Variants in FANK1 observed in about 807,000 individuals in gnomAD.
FANK1 encodes the protein fibronectin type III and ankyrin repeat domains 1.
Under a neutral mutation model 45.3 loss-of-function variants are expected in FANK1, and 44 were observed. That is an observed-to-expected ratio of 0.97 (90% CI 0.76 to 1.25). The LOEUF (loss-of-function observed/expected upper bound fraction) is 1.25. FANK1 is among the 50% of genes most tolerant of loss of function. FANK1 has a pLI of 0.00. For synonymous variants in FANK1, 149 were observed against 152.5 expected (o/e 0.98, Z 0.17); for missense variants, 391 against 424.4 (o/e 0.92, Z 0.69).
At chr10:126,005,307 CTTTTTTTTT>C (rs35163273) in intron 7 of FANK1, among the ~76,000 whole-genome samples, 3 of 122,300 alleles carry the variant, frequency 2.5e-5, no homozygotes, top group African/African-American at 9.0e-5. Context: ...TACTTTCTTT[CTTTTTTTTT>C]TTTTTTTTTG....
At chr10:125,912,188 A>G (rs977444552) in intron 1 of FANK1, among the ~76,000 whole-genome samples, 1 of 152,170 alleles carries the variant, frequency 6.6e-6, no homozygotes, top group East Asian at 1.9e-4. Flanking sequence ...CACTAAGGTC[A>G]ACAATACCCA....
At chr10:125,957,392 C>T (rs775520541) in intron 1 of FANK1, among the ~76,000 whole-genome samples, 2 of 151,810 alleles carry the variant, frequency 1.3e-5, no homozygotes, top group African/African-American at 2.4e-5. Flanking sequence ...CTCTTTGTTA[C>T]TTTGTGTAGA....
chr10:125,972,433 GAGAAAGT>G (rs1413156998), intron 1 of FANK1: 20 of 152,168 alleles, frequency 1.3e-4, no homozygotes, highest in Non-Finnish European at 2.9e-4. Context: ...TTTTATCAAA[GAGAAAGT>G]AGAAAGTATA....
Position 125,935,089 on chromosome 10 carries a change from C to T in FANK1, c.13+38434C>T, listed in dbSNP as rs565501370. The stretch of plus-strand genomic sequence containing the variant: ...GCCTTCATCTCTCTGCTTGTTTCTC[C>T]AGACATCTCCTCCTACTCTGATAGA... On this transcript the variant is annotated intron_variant, in intron 1 of 10. Coordinates refer to ENST00000368693, the MANE Select transcript of FANK1 (RefSeq NM_145235.5). Among the ~76,000 whole-genome samples, 72 of 152,232 alleles carry T rather than the reference C, an allele frequency of 4.7e-4. No homozygotes were observed. In the East Asian group the frequency reaches 0.011, roughly 24 times the overall value.
intron 2 of FANK1, among the ~76,000 whole-genome samples, chr10:125,985,097 G>C (rs935371754): frequency 1.1e-4 from 14 of 131,620 alleles, no homozygotes; most frequent in Non-Finnish European, 2.3e-4. Context: ...TTCTAACACA[G>C]TTGCGTTATT....
intron 1 of FANK1, among the ~76,000 whole-genome samples, chr10:125,937,036 C>T (rs1470134600): frequency 6.6e-6 from 1 of 151,754 alleles, no homozygotes; most frequent in Admixed American, 6.6e-5. Context: ...CATTGCCCTC[C>T]AGCCTGGCAA....
chr10:125,973,694 T>G (rs1950660528), intron 1 of FANK1: 1 of 153,270 alleles, frequency 6.5e-6, no homozygotes, highest in African/African-American at 2.4e-5. Context: ...TACCATTTGG[T>G]TTAAGATGTT....
chr10:125,999,341 A>C (rs1237551421), intron 6 of FANK1, among the ~76,000 whole-genome samples: 2 of 151,694 alleles, frequency 1.3e-5, no homozygotes, highest in African/African-American at 4.8e-5. Flanking sequence ...CTGGAACTAT[A>C]GGCGCCCACC....
At chr10:125,935,155 G>A (rs555676868) in intron 1 of FANK1, among the ~76,000 whole-genome samples, 7 of 152,220 alleles carry the variant, frequency 4.6e-5, no homozygotes, top group South Asian at 2.1e-4. Context: ...ATTCCTTCAC[G>A]GAAAGTCAGC....
intron 1 of FANK1, among the ~76,000 whole-genome samples, chr10:125,915,278 ATTT>A (rs1474770127): frequency 1.3e-5 from 2 of 151,398 alleles, no homozygotes; most frequent in Non-Finnish European, 2.9e-5. Flanking sequence ...TATAAATGTT[ATTT>A]TATTAATGAA....
chr10:125,974,140 C>T lies in FANK1; in HGVS notation c.14-6021C>T, dbSNP rs140528614. Among the ~76,000 whole-genome samples the T allele has an allele frequency of 1.7e-3, 262 of 152,274 alleles. 1 individual carries two copies. Among genetic ancestry groups the T allele is most frequent in the African/African-American group, 6.0e-3 (251 of 41,540 alleles). On this transcript the variant is annotated intron_variant, in intron 1 of 10. Transcript: ENST00000368693. ...GAACATATTCAAACCTAGGTTTATCCAATTCCATCATGCTTTCTATAAACA... is the reference window on the plus strand; with the variant it reads ...GAACATATTCAAACCTAGGTTTATCTAATTCCATCATGCTTTCTATAAACA...
chr10:125,954,755 A>G (rs1156570549), intron 1 of FANK1, among the ~76,000 whole-genome samples: 1 of 152,106 alleles, frequency 6.6e-6, no homozygotes, highest in Non-Finnish European at 1.5e-5. Context: ...CCCTGCCTCT[A>G]CTAAAAATAT....
chr10:126,002,168 C>T (rs894030768), intron 6 of FANK1, among the ~76,000 whole-genome samples: 5 of 151,572 alleles, frequency 3.3e-5, no homozygotes, highest in Non-Finnish European at 5.9e-5. Context: ...AAAAATTAGC[C>T]GAGCATGGTG....
At chr10:125,994,000 G>A (rs1389241661) in intron 3 of FANK1, among the ~76,000 whole-genome samples, 1 of 152,142 alleles carries the variant, frequency 6.6e-6, no homozygotes, top group Admixed American at 6.5e-5. Context: ...GAAACCCTCC[G>A]AGGAAACCCA....
chr10:125,917,084 T>C (rs1338663102), intron 1 of FANK1, among the ~76,000 whole-genome samples: 2 of 152,254 alleles, frequency 1.3e-5, no homozygotes, highest in Admixed American at 1.3e-4. Flanking sequence ...TCTTTTGGGC[T>C]GAGCTCCTGC....
At chr10:125,936,401 A>C (rs1044865940) in intron 1 of FANK1, among the ~76,000 whole-genome samples, 1 of 150,962 alleles carries the variant, frequency 6.6e-6, no homozygotes, top group African/African-American at 2.4e-5. Context: ...GAATTTTCAC[A>C]AAGTGAACCC....
intron 1 of FANK1, among the ~76,000 whole-genome samples, chr10:125,906,510 T>G (rs1945527877): frequency 1.7e-5 from 1 of 59,900 alleles, no homozygotes; most frequent in South Asian, 4.5e-4. Flanking sequence ...AGCAAGACTC[T>G]GTCTCAAAAA....
intron 1 of FANK1, among the ~76,000 whole-genome samples, chr10:125,934,737 T>G (rs1267840230): frequency 7.0e-5 from 9 of 129,492 alleles, no homozygotes; most frequent in East Asian, 6.7e-4. Flanking sequence ...TTTTTTTTTT[T>G]TTTTTTTTTT....
intron 7 of FANK1, 63 bp downstream of exon 7, chr10:126,005,112 G>A: frequency 6.5e-7 from 1 of 1,541,476 alleles, no homozygotes; most frequent in South Asian, 1.2e-5. Context: ...TGCTCCATGG[G>A]GTCTGGCAGA....
Sources: gnomAD v4.1 joint callset for allele counts (sites outside exome capture counted in the v4.1 genomes callset) on GRCh38, gnomAD v4.1.1 for gene constraint, MANE v1.5 for transcripts, NCBI Gene and HGNC (gene_info 2026-07-23, HGNC 2026-07-21) for gene names.